APLP2: variants seen among roughly 807,000 people sequenced by gnomAD.
APLP2 encodes the protein CDEI box-binding protein.
Under a neutral mutation model 89.9 loss-of-function variants are expected in APLP2, and 53 were observed. That is an observed-to-expected ratio of 0.59 (90% CI 0.47 to 0.74). The LOEUF (loss-of-function observed/expected upper bound fraction) is 0.74. Among genes scored for constraint, APLP2 ranks in the 30% least tolerant of loss-of-function variants. APLP2 has a pLI of 0.00. For synonymous variants in APLP2, 372 were observed against 348.6 expected, an observed-to-expected ratio of 1.07 and a Z score of -0.75; for missense variants, 973 against 975.9, an observed-to-expected ratio of 1.00 and a Z score of 0.04.
intron 11 of APLP2, among the ~76,000 whole-genome samples, chr11:130,131,779 A>T (rs1950962458): frequency 6.6e-6 from 1 of 152,230 alleles, no homozygotes; most frequent in African/African-American, 2.4e-5. Flanking sequence ...TATTAAATTA[A>T]TAGAGAATTC....
intron 1 of APLP2, among the ~76,000 whole-genome samples, chr11:130,083,802 ATCTG>A (rs1943646916): frequency 6.6e-6 from 1 of 152,214 alleles, no homozygotes; most frequent in African/African-American, 2.4e-5. Flanking sequence ...GAATGCATAT[ATCTG>A]TCTGGGATAA....
In APLP2 at chr11:130,120,778, T is replaced by C; in HGVS notation, c.476T>C (p.Val159Ala). The C allele has an allele frequency of 1.2e-6, 2 of 1,613,802 alleles. No homozygotes were observed. Among genetic ancestry groups the C allele is most frequent in the Non-Finnish European group, 1.7e-6 (2 of 1,179,844 alleles). The change falls in exon 4 of 17, where the codon GTG becomes GCG. Residue 159 changes from valine to alanine, a missense_variant. Val to Ala is a moderately conservative substitution (Grantham distance 64). Transcript: ENST00000338167. ...CQFFHKERME[V>A]CENHQHWHTV... ...TTTTTCCACAAAGAGCGGATGGAGG[T>C]GTGTGAGAATCACCAGCACTGGCAC... is the stretch of plus-strand genomic sequence containing the variant.
At chr11:130,072,905 G>A (rs1941394414) in intron 1 of APLP2, among the ~76,000 whole-genome samples, 1 of 152,214 alleles carries the variant, frequency 6.6e-6, no homozygotes, top group Admixed American at 6.5e-5. Flanking sequence ...TTCCCAGGGT[G>A]TAGCCACAAG....
chr11:130,071,472 A>AT (rs1250788568), intron 1 of APLP2, among the ~76,000 whole-genome samples: 19 of 147,376 alleles, frequency 1.3e-4, no homozygotes, highest in African/African-American at 5.1e-4. Context: ...GATCCCTGAT[A>AT]TGTCGCATGA....
chr11:130,121,911 G>GGC, intron 5 of APLP2, 101 bp downstream of exon 5: 1 of 1,509,584 alleles, frequency 6.6e-7, no homozygotes. Flanking sequence ...GGATAAACTG[G>GGC]GCATTCCTTT....
intron 1 of APLP2, among the ~76,000 whole-genome samples, chr11:130,071,583 C>G (rs1350171595): frequency 6.6e-6 from 1 of 152,178 alleles, no homozygotes; most frequent in South Asian, 2.1e-4. Flanking sequence ...CGTTCACACT[C>G]GCACTCCACT....
At chr11:130,125,241 C>T (rs1007340458) in intron 7 of APLP2, among the ~76,000 whole-genome samples, 4 of 152,216 alleles carry the variant, frequency 2.6e-5, no homozygotes, top group African/African-American at 4.8e-5. Context: ...CATTTCGGCC[C>T]GCTGTCCTCT....
At chr11:130,105,214 A>T (rs1235782264) in intron 1 of APLP2, among the ~76,000 whole-genome samples, 1 of 152,222 alleles carries the variant, frequency 6.6e-6, no homozygotes, top group Non-Finnish European at 1.5e-5. Context: ...AGAGTTTGAG[A>T]CCAGCGTGGG....
intron 1 of APLP2, among the ~76,000 whole-genome samples, chr11:130,079,448 G>C (rs541457388): frequency 6.6e-6 from 1 of 152,146 alleles, no homozygotes; most frequent in East Asian, 1.9e-4. Context: ...TTCAATGTTT[G>C]GTAGATTTCT....
chr11:130,094,027 G>A (rs1266669943), intron 1 of APLP2, among the ~76,000 whole-genome samples: 3 of 149,244 alleles, frequency 2.0e-5, no homozygotes, highest in Admixed American at 2.0e-4. Context: ...TTACAGGCGT[G>A]AGCCACCACT....
intron 11 of APLP2, among the ~76,000 whole-genome samples, chr11:130,131,007 A>G (rs1950886248): frequency 6.6e-6 from 1 of 152,244 alleles, no homozygotes; most frequent in African/African-American, 2.4e-5. Flanking sequence ...CCACACTGGC[A>G]TTCAGTGCTG....
chr11:130,085,507 T>C (rs1368963781), intron 1 of APLP2, among the ~76,000 whole-genome samples: 1 of 151,884 alleles, frequency 6.6e-6, no homozygotes, highest in Non-Finnish European at 1.5e-5. Flanking sequence ...TAAGGAAAGC[T>C]CAGGACCAGA....
chr11:130,098,969 CTT>C (rs1381659364), intron 1 of APLP2, among the ~76,000 whole-genome samples: 1 of 152,114 alleles, frequency 6.6e-6, no homozygotes, highest in East Asian at 1.9e-4. Flanking sequence ...TCATTTCACT[CTT>C]TTAAGGTTTA....
intron 1 of APLP2, 98 bp downstream of exon 1, chr11:130,070,180 G>A: frequency 2.8e-6 from 2 of 726,924 alleles, no homozygotes; most frequent in South Asian, 5.6e-5. Context: ...GCGGGCCGGC[G>A]GTGCGGCGCC....
At chr11:130,132,505 A>G (rs544857680) in intron 11 of APLP2, among the ~76,000 whole-genome samples, 2 of 152,288 alleles carry the variant, frequency 1.3e-5, no homozygotes, top group East Asian at 3.9e-4. Flanking sequence ...TGTGGGAGCT[A>G]CAGCAACACA....
At position 130,141,974 on chromosome 11, in the gene APLP2, G is replaced by A. The variant is rs781574004; in HGVS notation, c.2054G>A (p.Gly685Asp). ...AGTCTGAGTAGCAGTGCTCTCATTG[G>A]CCTGCTGGTCATCGCAGTGGCCATT... ...DFSLSSSALI[G>D]LLVIAVAIAT... is the part of the protein sequence containing the mutation. The change falls in exon 16 of 17, where the codon GGC (glycine) becomes GAC (aspartate). Residue 685 changes from glycine (G) to aspartate (D), a missense_variant. Gly to Asp is a moderately conservative substitution (Grantham distance 94). Coordinates refer to ENST00000338167, the MANE Select transcript of APLP2 (RefSeq NM_001142276.2). This position sits in a 1 kb window ranked among gnomAD's most constrained non-coding sequence, Gnocchi z 4.2. The A allele has an allele frequency of 6.2e-7, 1 of 1,614,090 alleles. No individual in the cohort carries two copies. Among genetic ancestry groups the A allele is most frequent in the South Asian group, 1.1e-5 (1 of 91,078 alleles).
intron 7 of APLP2, among the ~76,000 whole-genome samples, chr11:130,126,127 T>C (rs1950343454): frequency 6.6e-6 from 1 of 152,212 alleles, no homozygotes; most frequent in South Asian, 2.1e-4. Flanking sequence ...TCACTGATAC[T>C]GAAAACTCAA....
At chr11:130,070,350 C>G (rs1940699128) in intron 1 of APLP2, among the ~76,000 whole-genome samples, 1 of 151,320 alleles carries the variant, frequency 6.6e-6, no homozygotes, top group Admixed American at 6.6e-5. Context: ...CCGACCCAGC[C>G]CCCAACCCGC....
chr11:130,079,126 T>G (rs1036000666), intron 1 of APLP2, among the ~76,000 whole-genome samples: 3 of 151,570 alleles, frequency 2.0e-5, no homozygotes, highest in Non-Finnish European at 2.9e-5. Context: ...TGAGACAGGT[T>G]GTTGCTCTGT....
Sources: gnomAD v4.1 joint callset for allele counts (sites outside exome capture counted in the v4.1 genomes callset) on GRCh38, gnomAD v4.1.1 for gene constraint, Gnocchi (gnomAD v3.1) non-coding constraint, MANE v1.5 for transcripts, NCBI Gene and HGNC (gene_info 2026-07-23, HGNC 2026-07-21) for gene names.